Variants in RELN observed in about 807,000 individuals in gnomAD.
The protein encoded by RELN is reelin.
A neutral mutation model predicts 427.6 loss-of-function variants in RELN; 108 were observed. That is an observed-to-expected ratio of 0.25 (90% CI 0.22 to 0.30). RELN has a LOEUF of 0.30. RELN is among the 10% of genes least tolerant of loss of function. The pLI is 1.00. For synonymous variants in RELN, 1,524 were observed against 1,513.4 expected, an observed-to-expected ratio of 1.01 and a Z score of -0.16; for missense variants, 3,715 against 4,302.8, an observed-to-expected ratio of 0.86 and a Z score of 3.82.
chr7:103,914,344 C>A (rs1444951181), intron 2 of RELN, among the ~76,000 whole-genome samples: 1 of 151,910 alleles, frequency 6.6e-6, no homozygotes, highest in Non-Finnish European at 1.5e-5. Flanking sequence ...AACTGACAAA[C>A]CATCAAATGA....
In RELN at chr7:103,603,282, T is replaced by C. The variant is rs903441370; in HGVS notation, c.3333+22A>G. 6.3e-7 allele frequency: 1 copy of C among 1,598,824 alleles called. No individual in the cohort carries two copies. The highest frequency in any genetic ancestry group is 8.6e-7 in the Non-Finnish European group (1 of 1,166,064). On this transcript the variant is annotated intron_variant, in intron 24 of 64. Coordinates refer to ENST00000428762, the MANE Select transcript of RELN (RefSeq NM_005045.4). The surrounding 1 kb of genome is among the most constrained non-coding windows in gnomAD (Gnocchi z 4.3). ...TTAAACTAGCCATTGCCCCGATGAC[T>C]TATCCCAGCTGTTGGTCATACCTTG... is the stretch of plus-strand genomic sequence containing the variant.
At chr7:103,769,968 C>T (rs954872889) in intron 4 of RELN, among the ~76,000 whole-genome samples, 3 of 152,148 alleles carry the variant, frequency 2.0e-5, no homozygotes, top group Non-Finnish European at 4.4e-5. Flanking sequence ...TATTGAGATA[C>T]CTACCCACAG....
chr7:103,833,731 G>A, intron 2 of RELN, 59 bp from the exon 3 acceptor site: 2 of 1,484,020 alleles, frequency 1.3e-6, no homozygotes, highest in African/African-American at 1.4e-5. Flanking sequence ...TTCCTATCAT[G>A]GCATCACAGT....
At chr7:103,690,314 T>C (rs1222604477) in intron 10 of RELN, among the ~76,000 whole-genome samples, 2 of 152,102 alleles carry the variant, frequency 1.3e-5, no homozygotes, top group South Asian at 2.1e-4. Context: ...CCTTTAATCC[T>C]TGACGGTAAA....
At chr7:103,489,932 G>A in intron 59 of RELN, 33 bp from the exon 60 acceptor site, 1 of 1,613,314 alleles carries the variant, frequency 6.2e-7, no homozygotes, top group Non-Finnish European at 8.5e-7. Context: ...AAGGGATTCA[G>A]TAGGTTGTTA....
chr7:103,740,015 A>G (rs1403761329), intron 6 of RELN, among the ~76,000 whole-genome samples: 1 of 152,174 alleles, frequency 6.6e-6, no homozygotes, highest in East Asian at 1.9e-4. Context: ...ACTAGATGAG[A>G]TAATGGAAGA....
intron 1 of RELN, among the ~76,000 whole-genome samples, chr7:103,959,881 T>C (rs1430269798): frequency 1.3e-5 from 2 of 152,130 alleles, no homozygotes; most frequent in Non-Finnish European, 2.9e-5. Flanking sequence ...AATACAGGCA[T>C]GAGCCACTGC....
At chr7:103,641,864 T>C (rs1832700935) in intron 16 of RELN, among the ~76,000 whole-genome samples, 1 of 152,102 alleles carries the variant, frequency 6.6e-6, no homozygotes, top group South Asian at 2.1e-4. Context: ...CCCAGCACAC[T>C]TGATTTTATG....
At position 103,743,536 on chromosome 7, in the gene RELN, T is replaced by C. The variant is rs554944153; in HGVS notation, c.656+5890A>G. ...GAAACCCATCTCACGTGCAGAGACA[T>C]ACATAGGCTCAAAATAAAGGGATGG... is the stretch of plus-strand genomic sequence containing the variant. On this transcript the variant is annotated intron_variant, in intron 6 of 64. Coordinates refer to ENST00000428762, the MANE Select transcript of RELN (RefSeq NM_005045.4). 1.1e-4 allele frequency among the ~76,000 whole-genome samples: 16 copies of C among 152,098 alleles called. 1 individual carries two copies. The East Asian group carries it at 1.9e-3, about 18-fold the overall frequency.
At chr7:103,498,679 A>T (rs567826499) in intron 53 of RELN, among the ~76,000 whole-genome samples, 36 of 151,932 alleles carry the variant, frequency 2.4e-4, no homozygotes, top group Admixed American at 7.9e-4. Context: ...TTTCATAGAG[A>T]TGGGGTTTCA....
chr7:103,895,751 C>A (rs1422540314), intron 2 of RELN, among the ~76,000 whole-genome samples: 1 of 151,778 alleles, frequency 6.6e-6, no homozygotes, highest in Non-Finnish European at 1.5e-5. Context: ...GGCTCTATCA[C>A]CTGGAGCATA....
At chr7:103,498,378 G>T (rs959508796) in intron 53 of RELN, 126 bp from the exon 54 acceptor site, 1 of 872,106 alleles carries the variant, frequency 1.1e-6, no homozygotes, top group East Asian at 2.6e-5. Flanking sequence ...GCTTTTCAAA[G>T]ATGTTTAAAA....
At chr7:103,864,626 C>T (rs1362588967) in intron 2 of RELN, among the ~76,000 whole-genome samples, 1 of 152,012 alleles carries the variant, frequency 6.6e-6, no homozygotes, top group Non-Finnish European at 1.5e-5. Context: ...GACAGGATTT[C>T]CTTAAATAAG....
chr7:103,810,270 C>T (rs1792706317), intron 3 of RELN, among the ~76,000 whole-genome samples: 1 of 152,086 alleles, frequency 6.6e-6, no homozygotes, highest in African/African-American at 2.4e-5. Flanking sequence ...TTGCCCCAAG[C>T]GTTATGAAAT....
At chr7:103,855,650 C>T (rs573698712) in intron 2 of RELN, among the ~76,000 whole-genome samples, 75 of 152,272 alleles carry the variant, frequency 4.9e-4, no homozygotes, top group African/African-American at 1.8e-3. Context: ...AATGTATTGT[C>T]TCACAGTTCT....
chr7:103,877,425 C>G (rs1794505306), intron 2 of RELN, among the ~76,000 whole-genome samples: 1 of 152,066 alleles, frequency 6.6e-6, no homozygotes, highest in Non-Finnish European at 1.5e-5. Flanking sequence ...TGACCCTTGA[C>G]TCTCCTTCAA....
chr7:103,802,394 T>A (rs1444470704), intron 3 of RELN, among the ~76,000 whole-genome samples: 1 of 152,166 alleles, frequency 6.6e-6, no homozygotes, highest in Non-Finnish European at 1.5e-5. Context: ...TATTAGGACA[T>A]TTAAATATTA....
intron 48 of RELN, among the ~76,000 whole-genome samples, chr7:103,521,796 A>C (rs564734233): frequency 6.6e-6 from 1 of 152,260 alleles, no homozygotes; most frequent in Non-Finnish European, 1.5e-5. Flanking sequence ...AAAGCATAGC[A>C]TAAAGTTATA....
Position 103,953,967 on chromosome 7 carries a change from AG to A in RELN, c.226+35163del. ...AACAAACAACAATAACAACAAAAAC[AG>A]GCGGGGCATAGTGGCTCACGCCTGT... is the stretch of plus-strand genomic sequence containing the variant. On this transcript the variant is annotated intron_variant, in intron 1 of 64. Coordinates refer to ENST00000428762, the MANE Select transcript of RELN (RefSeq NM_005045.4). The surrounding 1 kb of genome is among the most constrained non-coding windows in gnomAD (Gnocchi z 4.3). Among the ~76,000 whole-genome samples, 1 of 151,378 alleles carries A rather than the reference AG, an allele frequency of 6.6e-6. No individual in the cohort carries two copies. The highest frequency in any genetic ancestry group is 1.5e-5 in the Non-Finnish European group (1 of 67,808).
Sources: allele counts gnomAD v4.1 joint callset (sites outside exome capture counted in the v4.1 genomes callset), GRCh38; gene constraint gnomAD v4.1.1; non-coding constraint Gnocchi (gnomAD v3.1); transcripts MANE v1.5; gene names NCBI Gene and HGNC (gene_info 2026-07-23, HGNC 2026-07-21).